Variants in ANK3 observed in about 807,000 individuals in gnomAD.
The protein encoded by ANK3 is ankyrin 3, also known as ankyrin-3.
ANK3 carries 57 observed loss-of-function variants against 370.9 expected under a neutral mutation model. The ratio of observed to expected loss-of-function variants is 0.15; its 90% CI spans 0.12 to 0.19. The LOEUF (loss-of-function observed/expected upper bound fraction) is 0.19. ANK3 is among the 10% of genes least tolerant of loss of function. The probability of loss-of-function intolerance (pLI) is 1.00; values close to 1 mark genes in which losing one functional copy is unlikely to be tolerated. For missense variants in ANK3, 4,439 were observed against 5,302.1 expected, an observed-to-expected ratio of 0.84 and a Z score of 5.06; for synonymous variants, 1,929 against 1,946.3, an observed-to-expected ratio of 0.99 and a Z score of 0.23.
chr10:60,320,818 G>C (rs1593679155), intron 1 of ANK3, among the ~76,000 whole-genome samples: 2 of 152,090 alleles, frequency 1.3e-5, no homozygotes, highest in African/African-American at 4.8e-5. Flanking sequence ...TTCTCAATCT[G>C]TGGAATACAA....
intron 28 of ANK3, among the ~76,000 whole-genome samples, chr10:60,101,495 G>C (rs1589996888): frequency 6.6e-6 from 1 of 151,536 alleles, no homozygotes; most frequent in East Asian, 1.9e-4. Flanking sequence ...TTTGGTGGGG[G>C]GAATGAATGT....
intron 2 of ANK3, among the ~76,000 whole-genome samples, chr10:60,489,802 A>G (rs1239845223): frequency 1.3e-5 from 2 of 152,236 alleles, no homozygotes; most frequent in Non-Finnish European, 2.9e-5. Flanking sequence ...ATGTAAACAT[A>G]TCTCCATTAA....
At chr10:60,534,849 A>G (rs2076687338) in intron 2 of ANK3, among the ~76,000 whole-genome samples, 2 of 152,178 alleles carry the variant, frequency 1.3e-5, no homozygotes, top group Non-Finnish European at 2.9e-5. Flanking sequence ...GCTTGTGACA[A>G]AAGTCCCAAT....
intron 1 of ANK3, among the ~76,000 whole-genome samples, chr10:60,640,094 A>G (rs895063094): frequency 2.6e-5 from 4 of 152,102 alleles, no homozygotes; most frequent in African/African-American, 7.2e-5. Context: ...CTTGAGAATA[A>G]AGAATATTAT....
intron 23 of ANK3, among the ~76,000 whole-genome samples, chr10:60,145,329 T>C (rs1445407853): frequency 1.3e-5 from 2 of 152,294 alleles, no homozygotes; most frequent in East Asian, 3.9e-4. Context: ...ACTCAGCAAA[T>C]AGTCTAATAC....
At chr10:60,400,458 A>T (rs1000031998) in intron 2 of ANK3, among the ~76,000 whole-genome samples, 1 of 152,226 alleles carries the variant, frequency 6.6e-6, no homozygotes, top group Non-Finnish European at 1.5e-5. Flanking sequence ...ACTTGTGAGT[A>T]TTAACAGCAG....
chr10:60,362,533 C>T (rs1050810808), intron 1 of ANK3, among the ~76,000 whole-genome samples: 7 of 152,144 alleles, frequency 4.6e-5, no homozygotes, highest in Admixed American at 2.6e-4. Flanking sequence ...TTCTATCGCA[C>T]GTGAGCCTGC....
chr10:60,490,309 A>G (rs923177810), intron 2 of ANK3, among the ~76,000 whole-genome samples: 1 of 152,200 alleles, frequency 6.6e-6, no homozygotes, highest in Non-Finnish European at 1.5e-5. Context: ...ACTGAACCAG[A>G]AACTCTGGGA....
intron 2 of ANK3, among the ~76,000 whole-genome samples, chr10:60,462,106 G>C (rs980136637): frequency 6.6e-6 from 1 of 152,088 alleles, no homozygotes; most frequent in African/African-American, 2.4e-5. Context: ...ATTTGGTCAA[G>C]AGCTGGCAGA....
intron 1 of ANK3, among the ~76,000 whole-genome samples, chr10:60,379,878 C>A (rs866055878): frequency 1.6e-4 from 25 of 151,768 alleles, no homozygotes; most frequent in African/African-American, 4.1e-4. Context: ...GTCCAACACA[C>A]AAAAAAATAA....
chr10:60,492,993 T>C (rs1387217606), intron 2 of ANK3, among the ~76,000 whole-genome samples: 1 of 147,544 alleles, frequency 6.8e-6, no homozygotes, highest in African/African-American at 2.5e-5. Flanking sequence ...GGCAGGTGAA[T>C]GGTGTGAATC....
intron 2 of ANK3, among the ~76,000 whole-genome samples, chr10:60,570,812 C>T (rs1446617385): frequency 6.6e-6 from 1 of 151,936 alleles, no homozygotes; most frequent in Non-Finnish European, 1.5e-5. Context: ...TATGAGGAGA[C>T]ATGGAACACA....
At chr10:60,364,155 A>G (rs1197758789) in intron 1 of ANK3, among the ~76,000 whole-genome samples, 1 of 151,674 alleles carries the variant, frequency 6.6e-6, no homozygotes, top group Non-Finnish European at 1.5e-5. Flanking sequence ...TTAGCCGGGC[A>G]TGGTGGTGGG....
chr10:60,050,672 T>C (rs1017365882), intron 42 of ANK3: 22 of 152,154 alleles, frequency 1.4e-4, no homozygotes, highest in African/African-American at 5.1e-4. Context: ...GATGACGAAG[T>C]AATGAAGACA....
intron 25 of ANK3, among the ~76,000 whole-genome samples, chr10:60,121,551 G>A (rs2093473277): frequency 6.6e-6 from 1 of 151,950 alleles, no homozygotes; most frequent in South Asian, 2.1e-4. Flanking sequence ...AAAGAGCCAA[G>A]CGTGGTGGTG....
At chr10:60,130,985 C>T (rs1418928117) in intron 25 of ANK3, among the ~76,000 whole-genome samples, 1 of 152,168 alleles carries the variant, frequency 6.6e-6, no homozygotes, top group Admixed American at 6.5e-5. Context: ...CAACAATTAA[C>T]ATTGCTATAT....
intron 2 of ANK3, among the ~76,000 whole-genome samples, chr10:60,446,746 G>A (rs532783436): frequency 7.9e-5 from 12 of 152,248 alleles, no homozygotes; most frequent in Admixed American, 2.0e-4. Context: ...TTATCTGTGC[G>A]AAAGAGGCTA....
intron 2 of ANK3, among the ~76,000 whole-genome samples, chr10:60,440,521 C>A (rs1053511027): frequency 1.8e-4 from 27 of 152,090 alleles, no homozygotes; most frequent in African/African-American, 5.6e-4. Flanking sequence ...ATCATAAGAA[C>A]AGCATGGGGG....
rs140331951 is a variant in ANK3, at chr10:60,470,105, A to G, written c.96+145081T>C. Among the ~76,000 whole-genome samples, 460 of 152,252 alleles carry G rather than the reference A, an allele frequency of 3.0e-3. 2 individuals are homozygous for G. The highest frequency in any genetic ancestry group is 0.011 in the African/African-American group (437 of 41,562). On this transcript the variant is annotated intron_variant, in intron 2 of 43. Coordinates refer to the ANK3 transcript ENST00000373827. The stretch of plus-strand genomic sequence containing the variant: ...CAATAATCTTCCGTGTCAGTCTACA[A>G]AGTTTTTCGGCTTTCCTTGGTTTCC...
Sources: gnomAD v4.1 joint callset for allele counts (sites outside exome capture counted in the v4.1 genomes callset) on GRCh38, gnomAD v4.1.1 for gene constraint, MANE v1.5 for transcripts, NCBI Gene and HGNC (gene_info 2026-07-23, HGNC 2026-07-21) for gene names.